AGAP1: variants seen among roughly 807,000 people sequenced by gnomAD.
AGAP1 encodes arf-GAP with GTPase, ANK repeat and PH domain-containing protein 1.
A neutral mutation model predicts 105.3 loss-of-function variants in AGAP1; 29 were observed. The observed-to-expected ratio is 0.28, with a 90% CI of 0.21 to 0.38. AGAP1 has a LOEUF of 0.38. Among genes scored for constraint, AGAP1 ranks in the 10% least tolerant of loss-of-function variants. The pLI, the probability that AGAP1 is intolerant of heterozygous loss-of-function variation, is 1.00. For missense variants in AGAP1, 998 were observed against 1,165.1 expected (o/e 0.86, Z 2.09); for synonymous variants, 509 against 485.9 (o/e 1.05, Z -0.63).
Position 235,586,177 on chromosome 2 carries a change from T to G in AGAP1, c.163+91328T>G, listed in dbSNP as rs745504266. Among the ~76,000 whole-genome samples, 3 of 152,166 alleles carry G rather than the reference T, an allele frequency of 2.0e-5. No individual in the cohort carries two copies. Among genetic ancestry groups the G allele is most frequent in the Non-Finnish European group, 4.4e-5 (3 of 68,030 alleles). On this transcript the variant is annotated intron_variant, in intron 1 of 17. Transcript: ENST00000304032. The surrounding 1 kb of genome is among the most constrained non-coding windows in gnomAD (Gnocchi z 4.2). ...CCATTGTCTCCGTGTAAGTCAACACTACCTTGTGTGTGTGCGCATACACAC... is the reference window on the plus strand; with the variant it reads ...CCATTGTCTCCGTGTAAGTCAACACGACCTTGTGTGTGTGCGCATACACAC...
At chr2:236,077,412 A>G (rs1026708635) in intron 16 of AGAP1, among the ~76,000 whole-genome samples, 1 of 148,278 alleles carries the variant, frequency 6.7e-6, no homozygotes, top group Non-Finnish European at 1.5e-5. Context: ...TCCGCCTCCC[A>G]TGTTCAAGTG....
At chr2:236,066,947 G>A (rs1033848577) in intron 16 of AGAP1, among the ~76,000 whole-genome samples, 1 of 152,102 alleles carries the variant, frequency 6.6e-6, no homozygotes, top group Admixed American at 6.5e-5. Context: ...AAATGTAATT[G>A]AAAAGAATTG....
Position 236,036,018 on chromosome 2 carries a change from A to G in AGAP1, c.1646-543A>G, listed in dbSNP as rs1055647800. Among the ~76,000 whole-genome samples, 5 of 151,886 alleles carry G rather than the reference A, an allele frequency of 3.3e-5. No individual in the cohort carries two copies. Among genetic ancestry groups the G allele is most frequent in the Admixed American group, 1.3e-4 (2 of 15,260 alleles). On this transcript the variant is annotated intron_variant, in intron 13 of 17. Coordinates refer to ENST00000304032, the MANE Select transcript of AGAP1 (RefSeq NM_001037131.3). This position sits in a 1 kb window ranked among gnomAD's most constrained non-coding sequence, Gnocchi z 5.7. ...GGCCTGTCTCAGCTGAGATCCTCCT[A>G]AGGCACGCGGGATCCCATGCACTCT...
In AGAP1 at chr2:235,608,701, C is replaced by G. The variant is rs755567733; in HGVS notation, c.164-100478C>G. On this transcript the variant is annotated intron_variant, in intron 1 of 17. Transcript: ENST00000304032. This position sits in a 1 kb window ranked among gnomAD's most constrained non-coding sequence, Gnocchi z 5.4. ...TCCGGACGCCCTGCTGCTACTTGGCCTCCAACCAAAAAATTGTTCTTCTCC... is the reference window on the plus strand; with the variant it reads ...TCCGGACGCCCTGCTGCTACTTGGCGTCCAACCAAAAAATTGTTCTTCTCC... Among the ~76,000 whole-genome samples the G allele has an allele frequency of 6.6e-6, 1 of 152,180 alleles. No homozygotes were observed.
At chr2:235,917,831 A>G (rs1040067599) in intron 11 of AGAP1, among the ~76,000 whole-genome samples, 1 of 152,218 alleles carries the variant, frequency 6.6e-6, no homozygotes, top group Non-Finnish European at 1.5e-5. Flanking sequence ...ACTTAAGGAT[A>G]CATTATCCCC....
intron 1 of AGAP1, among the ~76,000 whole-genome samples, chr2:235,554,744 T>C (rs1943920590): frequency 6.6e-6 from 1 of 152,158 alleles, no homozygotes; most frequent in African/African-American, 2.4e-5. Context: ...AGTGGCGCAG[T>C]CTTGGCTCAC....
chr2:235,837,572 G>A (rs1461425027), intron 9 of AGAP1, among the ~76,000 whole-genome samples: 1 of 152,078 alleles, frequency 6.6e-6, no homozygotes, highest in African/African-American at 2.4e-5. Flanking sequence ...TGCAGAATGA[G>A]GATGATAGAA....
intron 6 of AGAP1, among the ~76,000 whole-genome samples, chr2:235,790,777 C>T (rs1575474064): frequency 6.6e-6 from 1 of 152,168 alleles, no homozygotes; most frequent in African/African-American, 2.4e-5. Context: ...TCAGGCAGGC[C>T]CTGGCCCCGG....
rs547803348 is a variant in AGAP1, at chr2:236,062,662, GTT to G, written c.2114+13385_2114+13386del. Among the ~76,000 whole-genome samples the G allele has an allele frequency of 2.9e-3, 427 of 148,244 alleles. 3 individuals carry two copies. Among genetic ancestry groups the G allele is most frequent in the African/African-American group, 0.011 (415 of 38,316 alleles). On this transcript the variant is annotated intron_variant, in intron 16 of 17. Coordinates refer to ENST00000304032, the MANE Select transcript of AGAP1 (RefSeq NM_001037131.3). This position sits in a 1 kb window ranked among gnomAD's most constrained non-coding sequence, Gnocchi z 4.2. ...AGCTATTTTGTTTGTTTGTTTGTTTGTTTTTGTTTGTTTGTTTGAGATGGAAT... is the reference window on the plus strand; with the variant it reads ...AGCTATTTTGTTTGTTTGTTTGTTTGTTTGTTTGTTTGTTTGAGATGGAAT...
intron 5 of AGAP1, among the ~76,000 whole-genome samples, chr2:235,748,660 A>G (rs1424472768): frequency 6.6e-6 from 1 of 152,192 alleles, no homozygotes; most frequent in Non-Finnish European, 1.5e-5. Flanking sequence ...AAATAACATG[A>G]GAAAAGAGAA....
In AGAP1 at chr2:235,589,189, G is replaced by GTTTTTTTTT. The variant is rs1205771315; in HGVS notation, c.163+94344_163+94345insTTTTTTTTT. Among the ~76,000 whole-genome samples, 27 of 54,918 alleles carry GTTTTTTTTT rather than the reference G, an allele frequency of 4.9e-4. 4 individuals are homozygous for GTTTTTTTTT. Among genetic ancestry groups the GTTTTTTTTT allele is most frequent in the Non-Finnish European group, 8.6e-4 (20 of 23,248 alleles). 36.0% of individuals were successfully genotyped at this position (54,918 alleles called of 152,430 possible). On this transcript the variant is annotated intron_variant, in intron 1 of 17. Transcript: ENST00000304032. The stretch of plus-strand genomic sequence containing the variant: ...GAGAACTACCAGTTAATAGCTTATT[G>GTTTTTTTTT]TTTTGTTTTTTTTTTTTTTTTTTTT...
Position 235,556,024 on chromosome 2 carries a change from G to A in AGAP1, c.163+61175G>A, listed in dbSNP as rs566560032. On this transcript the variant is annotated intron_variant, in intron 1 of 17. Coordinates refer to ENST00000304032, the MANE Select transcript of AGAP1 (RefSeq NM_001037131.3). The surrounding 1 kb of genome is among the most constrained non-coding windows in gnomAD (Gnocchi z 5.3). Reference sequence around the variant, plus strand: ...CCTTGTGTTTCTGCCTGTGGGGCACGTGGGACATGTGAGGGAGAAACAGCA... The same window carrying A: ...CCTTGTGTTTCTGCCTGTGGGGCACATGGGACATGTGAGGGAGAAACAGCA... Among the ~76,000 whole-genome samples, 29 of 152,336 alleles carry A rather than the reference G, an allele frequency of 1.9e-4. 1 individual carries two copies. In the South Asian group the frequency reaches 5.8e-3, roughly 31 times the overall value.
Position 235,874,660 on chromosome 2 carries a change from A to G in AGAP1, c.1051-8685A>G, listed in dbSNP as rs2049620844. ...TGCTCCTGTCCTTAGGGGTCAGGAC[A>G]GGACTTCGTCATGTTTCTGGCTTTG... On this transcript the variant is annotated intron_variant, in intron 9 of 17. Coordinates refer to ENST00000304032, the MANE Select transcript of AGAP1 (RefSeq NM_001037131.3). The surrounding 1 kb of genome is among the most constrained non-coding windows in gnomAD (Gnocchi z 4.5). Among the ~76,000 whole-genome samples, 1 of 152,232 alleles carries G rather than the reference A, an allele frequency of 6.6e-6. No individual in the cohort carries two copies. Among genetic ancestry groups the G allele is most frequent in the Non-Finnish European group, 1.5e-5 (1 of 68,038 alleles).
At chr2:235,815,616 T>TC (rs1285036919) in intron 9 of AGAP1, among the ~76,000 whole-genome samples, 5 of 152,168 alleles carry the variant, frequency 3.3e-5, no homozygotes, top group Admixed American at 6.5e-5. Context: ...ATGTCCTAGC[T>TC]TAGGCCTTCC....
In AGAP1 at chr2:235,821,382, A is replaced by ATT. The variant is rs200107062; in HGVS notation, c.1050+14069_1050+14070dup. Among the ~76,000 whole-genome samples the ATT allele has an allele frequency of 4.3e-3, 574 of 133,782 alleles. 6 individuals are homozygous for ATT. Among genetic ancestry groups the ATT allele is most frequent in the Non-Finnish European group, 6.5e-3 (410 of 63,028 alleles). 87.8% of individuals were successfully genotyped at this position (133,782 alleles called of 152,430 possible). A position where few individuals can be genotyped will look rare whatever the true frequency, so the allele number is the denominator to read the frequency against. ...GGGGTAGGTTTAAAGCAGAACTTCA[A>ATT]TTTTTTTTTTTTTTTTTTTGAGACG... On this transcript the variant is annotated intron_variant, in intron 9 of 17. Coordinates refer to ENST00000304032, the MANE Select transcript of AGAP1 (RefSeq NM_001037131.3).
chr2:235,583,139 G>A (rs1944989048), intron 1 of AGAP1, among the ~76,000 whole-genome samples: 1 of 152,232 alleles, frequency 6.6e-6, no homozygotes, highest in Non-Finnish European at 1.5e-5. Flanking sequence ...AGGGTCAGGT[G>A]TGGGTCCTCT....
chr2:235,709,156 CTT>C, intron 1 of AGAP1, 21 bp from the exon 2 acceptor site: 1 of 1,613,692 alleles, frequency 6.2e-7, no homozygotes, highest in Non-Finnish European at 8.5e-7. Flanking sequence ...TGGTGTCTGA[CTT>C]TGTGTCCTCC....
chr2:235,715,046 T>C (rs959947558), intron 2 of AGAP1, among the ~76,000 whole-genome samples: 19 of 152,176 alleles, frequency 1.2e-4, no homozygotes, highest in Admixed American at 1.2e-3. Context: ...ATCTGCCCGC[T>C]TCGGCCCCCC....
chr2:236,076,104 A>T lies in AGAP1; in HGVS notation c.2114+26823A>T, dbSNP rs2058630034. Among the ~76,000 whole-genome samples the T allele has an allele frequency of 1.3e-5, 2 of 152,172 alleles. No individual in the cohort carries two copies. The highest frequency in any genetic ancestry group is 2.4e-5 in the African/African-American group (1 of 41,438). On this transcript the variant is annotated intron_variant, in intron 16 of 17. Coordinates refer to ENST00000304032, the MANE Select transcript of AGAP1 (RefSeq NM_001037131.3). The surrounding 1 kb of genome is among the most constrained non-coding windows in gnomAD (Gnocchi z 4.4). ...TCCTTCAGAGACACCCCTCAATCAG[A>T]TCTAGGAATTGAAAGTCAGATTGGT...
Sources: gnomAD v4.1 joint callset for allele counts (sites outside exome capture counted in the v4.1 genomes callset) on GRCh38, gnomAD v4.1.1 for gene constraint, Gnocchi (gnomAD v3.1) non-coding constraint, MANE v1.5 for transcripts, NCBI Gene and HGNC (gene_info 2026-07-23, HGNC 2026-07-21) for gene names.